Variants in TBC1D8 observed in about 807,000 individuals in gnomAD.
TBC1D8 encodes TBC1 domain family member 8.
TBC1D8 carries 65 observed loss-of-function variants against 118.8 expected under a neutral mutation model. The ratio of observed to expected loss-of-function variants is 0.55; its 90% CI spans 0.45 to 0.67. The LOEUF (loss-of-function observed/expected upper bound fraction) is 0.67, where lower values mean the gene tolerates loss of function less well. TBC1D8 is among the 30% of genes least tolerant of loss of function. TBC1D8 has a pLI of 0.00. For synonymous variants in TBC1D8, 566 were observed against 595.8 expected (o/e 0.95, Z 0.73); for missense variants, 1,376 against 1,471.2 (o/e 0.94, Z 1.06).
chr2:101,085,024 T>G (rs867408791), intron 2 of TBC1D8, among the ~76,000 whole-genome samples: 13 of 149,938 alleles, frequency 8.7e-5, no homozygotes, highest in Non-Finnish European at 1.3e-4. Context: ...AATTTTTTTG[T>G]TTTTTTTTAG....
Position 101,011,523 on chromosome 2 carries a change from G to C in TBC1D8, c.2845C>G (p.Arg949Gly). 1 of 1,613,834 alleles carries C rather than the reference G, an allele frequency of 6.2e-7. No homozygotes were observed. The highest frequency in any genetic ancestry group is 8.5e-7 in the Non-Finnish European group (1 of 1,179,850). Residue 949 changes from arginine (R) to glycine (G), a missense_variant, in exon 18 of 20, where the codon CGA (arginine) becomes GGA (glycine). Physicochemically the swap from Arg to Gly is moderately radical, Grantham distance 125 (BLOSUM62 -2). Transcript: ENST00000409318. The part of the protein sequence containing the change: ...HIPPALTEND[R>G]DSQSPLRNPL... ...TTCCTCAACGGCGACTGGCTGTCTC[G>C]GTCATTTTCAGTGAGTGCTTAAAAA...
At chr2:101,136,346 G>A (rs946802767) in intron 1 of TBC1D8, among the ~76,000 whole-genome samples, 2 of 152,166 alleles carry the variant, frequency 1.3e-5, no homozygotes, top group Admixed American at 6.5e-5. Context: ...TGTGATCTGT[G>A]TACACAGGGG....
At chr2:101,128,408 G>A (rs936625686) in intron 1 of TBC1D8, among the ~76,000 whole-genome samples, 9 of 152,178 alleles carry the variant, frequency 5.9e-5, no homozygotes, top group African/African-American at 2.2e-4. Flanking sequence ...GCCAGGCTTA[G>A]GGTACTCAGG....
At chr2:101,094,258 A>G (rs1676248247) in intron 1 of TBC1D8, among the ~76,000 whole-genome samples, 1 of 152,146 alleles carries the variant, frequency 6.6e-6, no homozygotes, top group African/African-American at 2.4e-5. Context: ...AAACCTGTCT[A>G]CTGGATAAAG....
At position 101,054,209 on chromosome 2, in the gene TBC1D8, T is replaced by C; in HGVS notation, c.530A>G (p.Tyr177Cys). ...NFPEAEKLVT[Y>C]YSCCCWKGRV... The stretch of plus-strand genomic sequence containing the variant: ...GCCCTTCCAACAGCAGCAGGAGTAG[T>C]AGGTGACCAGCTTCTCCGCCTCGGG... The change falls in exon 4 of 20, where the codon TAC becomes TGC. Residue 177 changes from tyrosine to cysteine, a missense_variant. Transcript: ENST00000409318. 6.2e-7 allele frequency: 1 copy of C among 1,612,754 alleles called. No individual in the cohort carries two copies. Among genetic ancestry groups the C allele is most frequent in the Non-Finnish European group, 8.5e-7 (1 of 1,179,474 alleles).
intron 5 of TBC1D8, among the ~76,000 whole-genome samples, chr2:101,046,828 G>A (rs757624511): frequency 6.6e-6 from 1 of 152,034 alleles, no homozygotes; most frequent in Non-Finnish European, 1.5e-5. Flanking sequence ...TTTATAAACC[G>A]GCGAAAGAGC....
chr2:101,065,529 A>G (rs1237784813), intron 2 of TBC1D8, among the ~76,000 whole-genome samples: 5 of 152,258 alleles, frequency 3.3e-5, no homozygotes, highest in Non-Finnish European at 7.3e-5. Flanking sequence ...ACATTCTTCA[A>G]GTGGATACTG....
chr2:101,078,592 G>C (rs370152669), intron 2 of TBC1D8, among the ~76,000 whole-genome samples: 1 of 151,948 alleles, frequency 6.6e-6, no homozygotes, highest in African/African-American at 2.4e-5. Flanking sequence ...GAAGGGCTTA[G>C]AGAGGAAGAA....
At chr2:101,035,426 A>T (rs1040324462) in intron 9 of TBC1D8, among the ~76,000 whole-genome samples, 6 of 152,150 alleles carry the variant, frequency 3.9e-5, no homozygotes, top group African/African-American at 1.4e-4. Context: ...AAATGTCCTG[A>T]TGAGGGTTCC....
chr2:101,036,591 C>G (rs1289527556), intron 8 of TBC1D8, among the ~76,000 whole-genome samples: 1 of 152,044 alleles, frequency 6.6e-6, no homozygotes, highest in Non-Finnish European at 1.5e-5. Flanking sequence ...AAGGGGAGTA[C>G]AGGGGCATCA....
intron 1 of TBC1D8, among the ~76,000 whole-genome samples, chr2:101,092,220 T>C (rs144181169): frequency 7.9e-5 from 12 of 152,344 alleles, no homozygotes; most frequent in Non-Finnish European, 1.6e-4. Context: ...CCAGTTTTTC[T>C]TGTAGCATGT....
intron 12 of TBC1D8, 88 bp downstream of exon 12, chr2:101,029,403 A>AAAAAAAAC: frequency 6.8e-7 from 1 of 1,460,414 alleles, no homozygotes; most frequent in Non-Finnish European, 9.1e-7. Flanking sequence ...ATAAAAAAAA[A>AAAAAAAAC]AAAAAACTTC....
At chr2:101,052,098 C>T (rs1682111483) in intron 4 of TBC1D8, among the ~76,000 whole-genome samples, 1 of 152,178 alleles carries the variant, frequency 6.6e-6, no homozygotes, top group South Asian at 2.1e-4. Flanking sequence ...TACATAAATT[C>T]TGGTTTCAAA....
Position 101,150,573 on chromosome 2 carries a change from T to C in TBC1D8, c.127+554A>G, listed in dbSNP as rs552593125. On this transcript the variant is annotated intron_variant, in intron 1 of 19. Coordinates refer to ENST00000409318, the MANE Select transcript of TBC1D8 (RefSeq NM_001330348.2). ...AAACTGATCTGTTCAATTTCTCTACTGAGATCACGAGCTTGGGATTCGCCC... is the reference window on the plus strand; with the variant it reads ...AAACTGATCTGTTCAATTTCTCTACCGAGATCACGAGCTTGGGATTCGCCC... Among the ~76,000 whole-genome samples, 14 of 152,364 alleles carry C rather than the reference T, an allele frequency of 9.2e-5. No individual in the cohort carries two copies. The South Asian group carries it at 1.0e-3, about 11-fold the overall frequency.
At chr2:101,086,770 A>G (rs937414746) in intron 2 of TBC1D8, among the ~76,000 whole-genome samples, 1 of 152,156 alleles carries the variant, frequency 6.6e-6, no homozygotes, top group East Asian at 1.9e-4. Context: ...AGCTTAAAAA[A>G]ATCGCAAAAA....
In TBC1D8 at chr2:101,008,007, C is replaced by A; in HGVS notation, c.3282G>T (p.Arg1094Ser). 1 of 1,613,972 alleles carries A rather than the reference C, an allele frequency of 6.2e-7. No homozygotes were observed. Among genetic ancestry groups the A allele is most frequent in the Non-Finnish European group, 8.5e-7 (1 of 1,179,892 alleles). The change falls in exon 20 of 20, where the codon AGG becomes AGT. Residue 1094 changes from arginine (R) to serine (S), a missense_variant. Coordinates refer to ENST00000409318, the MANE Select transcript of TBC1D8 (RefSeq NM_001330348.2). The part of the protein sequence containing the change: ...DSQAFPEAAE[R>S]DWTVSLEHIL... ...TATGTTCAAGGGAGACAGTCCAGTCCCTTTCTGCCGCCTCTGGAAATGCCT... is the reference window on the plus strand; with the variant it reads ...TATGTTCAAGGGAGACAGTCCAGTCACTTTCTGCCGCCTCTGGAAATGCCT...
intron 1 of TBC1D8, among the ~76,000 whole-genome samples, chr2:101,135,307 G>A (rs1678805007): frequency 6.6e-6 from 1 of 152,024 alleles, no homozygotes; most frequent in Non-Finnish European, 1.5e-5. Context: ...GTTTTATTTG[G>A]CTAAATGAAG....
intron 1 of TBC1D8, among the ~76,000 whole-genome samples, chr2:101,134,195 T>TCACACACACACA (rs1429845189): frequency 1.6e-5 from 1 of 62,754 alleles, no homozygotes; most frequent in Non-Finnish European, 3.8e-5. Flanking sequence ...TCTCTCTCTC[T>TCACACACACACA]CTCACACACA....
At chr2:101,048,564 TAC>T (rs1681852455) in intron 5 of TBC1D8, among the ~76,000 whole-genome samples, 1 of 152,330 alleles carries the variant, frequency 6.6e-6, no homozygotes, top group African/African-American at 2.4e-5. Flanking sequence ...AACTCAGGAC[TAC>T]ACATGATCCA....
Sources: gnomAD v4.1 joint callset for allele counts (sites outside exome capture counted in the v4.1 genomes callset) on GRCh38, gnomAD v4.1.1 for gene constraint, MANE v1.5 for transcripts, NCBI Gene and HGNC (gene_info 2026-07-23, HGNC 2026-07-21) for gene names.